FAM13C: variants seen among roughly 807,000 people sequenced by gnomAD.
FAM13C encodes family with sequence similarity 13 member C.
Under a neutral mutation model 73.2 loss-of-function variants are expected in FAM13C, and 37 were observed. That is an observed-to-expected ratio of 0.51 (90% CI 0.39 to 0.67). FAM13C has a LOEUF of 0.67. FAM13C is among the 30% of genes least tolerant of loss of function. The pLI is 0.00. For synonymous variants in FAM13C, 246 were observed against 260.9 expected (o/e 0.94, Z 0.55); for missense variants, 589 against 715.6 (o/e 0.82, Z 2.02).
intron 4 of FAM13C, among the ~76,000 whole-genome samples, chr10:59,304,287 T>G (rs1847951508): frequency 1.3e-5 from 2 of 152,136 alleles, no homozygotes; most frequent in African/African-American, 2.4e-5. Flanking sequence ...TTGCAAAAAT[T>G]TTTTCCCATT....
At chr10:59,320,942 T>G (rs1850152370) in intron 4 of FAM13C, among the ~76,000 whole-genome samples, 1 of 152,196 alleles carries the variant, frequency 6.6e-6, no homozygotes, top group African/African-American at 2.4e-5. Flanking sequence ...GTCATGTGTT[T>G]TCGAACTTGG....
At chr10:59,277,264 A>G (rs1844419800) in intron 6 of FAM13C, among the ~76,000 whole-genome samples, 1 of 152,188 alleles carries the variant, frequency 6.6e-6, no homozygotes, top group Admixed American at 6.5e-5. Context: ...CCAAGAAAAT[A>G]ATGTGCATCT....
chr10:59,302,727 G>T, intron 5 of FAM13C, 74 bp downstream of exon 5: 1 of 1,368,410 alleles, frequency 7.3e-7, no homozygotes, highest in Non-Finnish European at 1.0e-6. Flanking sequence ...TGAATTCCTA[G>T]TACTGTGAAA....
chr10:59,265,351 A>G (rs1242713273), intron 8 of FAM13C, among the ~76,000 whole-genome samples: 3 of 94,592 alleles, frequency 3.2e-5, no homozygotes, highest in Admixed American at 3.7e-4. Context: ...TGGTTTCAGG[A>G]CCATGGACAG....
chr10:59,317,997 C>T (rs1302000876), intron 4 of FAM13C, among the ~76,000 whole-genome samples: 3 of 150,428 alleles, frequency 2.0e-5, no homozygotes, highest in Non-Finnish European at 3.0e-5. Flanking sequence ...CCCTTTCATA[C>T]ACAATTTCTC....
chr10:59,275,306 G>A (rs1292748845), intron 6 of FAM13C, among the ~76,000 whole-genome samples: 4 of 152,180 alleles, frequency 2.6e-5, no homozygotes, highest in African/African-American at 9.7e-5. Flanking sequence ...ACTCAGGGAA[G>A]TTGGACCAGC....
intron 3 of FAM13C, among the ~76,000 whole-genome samples, chr10:59,343,827 T>TG (rs1407931038): frequency 6.6e-6 from 1 of 152,224 alleles, no homozygotes; most frequent in Non-Finnish European, 1.5e-5. Flanking sequence ...AATCACTACG[T>TG]ATTTGGGTTA....
intron 10 of FAM13C, among the ~76,000 whole-genome samples, chr10:59,260,725 C>G (rs1021241556): frequency 1.3e-5 from 2 of 152,180 alleles, no homozygotes; most frequent in African/African-American, 2.4e-5. Flanking sequence ...TGACCACCCC[C>G]CAATGGCTTC....
chr10:59,251,449 C>CT, intron 13 of FAM13C, 126 bp downstream of exon 13: 2 of 814,138 alleles, frequency 2.5e-6, no homozygotes, highest in South Asian at 2.9e-5. Flanking sequence ...AATCCTGAGT[C>CT]TAAGCCAGTG....
At chr10:59,355,564 CA>C (rs977515177) in intron 2 of FAM13C, among the ~76,000 whole-genome samples, 65 of 152,270 alleles carry the variant, frequency 4.3e-4, no homozygotes, top group Middle Eastern at 6.8e-3. Context: ...TACAGACACT[CA>C]ATAATATGTT....
At chr10:59,284,501 C>A (rs1001311479) in intron 5 of FAM13C, among the ~76,000 whole-genome samples, 2 of 151,406 alleles carry the variant, frequency 1.3e-5, no homozygotes, top group Non-Finnish European at 2.9e-5. Context: ...CACACCCTAC[C>A]CTCTGCATAT....
intron 4 of FAM13C, among the ~76,000 whole-genome samples, chr10:59,323,684 T>C (rs1850669886): frequency 6.6e-6 from 1 of 152,168 alleles, no homozygotes. Flanking sequence ...CCCTCTAGCA[T>C]AGAATAAAGA....
At position 59,292,762 on chromosome 10, in the gene FAM13C, G is replaced by T. The variant is rs1342856436; in HGVS notation, c.508-9315C>A. ...TACATATTTACAGGGTACACGGTGA[G>T]TTTTGATACATACATAGTGATCAAA... On this transcript the variant is annotated intron_variant, in intron 5 of 13. Transcript: ENST00000618804. Among the ~76,000 whole-genome samples, 3 of 152,150 alleles carry T rather than the reference G, an allele frequency of 2.0e-5. No homozygotes were observed. The East Asian group carries it at 5.8e-4, about 29-fold the overall frequency.
chr10:59,330,332 T>C (rs185693341), intron 3 of FAM13C, among the ~76,000 whole-genome samples: 35 of 152,292 alleles, frequency 2.3e-4, no homozygotes, highest in African/African-American at 8.2e-4. Context: ...CACCCACATT[T>C]ACTATAGAAC....
At chr10:59,267,760 A>G (rs1843223734) in intron 8 of FAM13C, among the ~76,000 whole-genome samples, 1 of 152,148 alleles carries the variant, frequency 6.6e-6, no homozygotes, top group Admixed American at 6.5e-5. Context: ...ATATTTCAAG[A>G]TGTATGAGAG....
intron 5 of FAM13C, among the ~76,000 whole-genome samples, chr10:59,284,689 C>T (rs772044932): frequency 9.9e-5 from 15 of 150,952 alleles, no homozygotes; most frequent in Non-Finnish European, 1.5e-4. Context: ...ACGCTCATAC[C>T]AAACCCCCAT....
At chr10:59,329,339 CTGGTTTTTTTT>C (rs1851619405) in intron 3 of FAM13C, among the ~76,000 whole-genome samples, 1 of 72,880 alleles carries the variant, frequency 1.4e-5, no homozygotes, top group African/African-American at 4.2e-5. Flanking sequence ...TTCTTTCTTT[CTGGTTTTTTTT>C]TTTTTTTTTT....
chr10:59,355,521 GATACTATAAGCCCTTGATGACCAAGACC>G (rs1376893894), intron 2 of FAM13C, among the ~76,000 whole-genome samples: 2 of 152,166 alleles, frequency 1.3e-5, no homozygotes. Context: ...GTTTTTCCAC[GATACTATAAGCCCTTGATGACCAAGACC>G]ATACTACAGA....
At chr10:59,343,184 AAAG>A (rs1853743615) in intron 3 of FAM13C, among the ~76,000 whole-genome samples, 1 of 152,216 alleles carries the variant, frequency 6.6e-6, no homozygotes, top group African/African-American at 2.4e-5. Context: ...ATTTGGAAGA[AAAG>A]AAGAAATCAA....
Sources: allele counts gnomAD v4.1 joint callset (sites outside exome capture counted in the v4.1 genomes callset), GRCh38; gene constraint gnomAD v4.1.1; transcripts MANE v1.5; gene names NCBI Gene and HGNC (gene_info 2026-07-23, HGNC 2026-07-21).